The following LIMS1 variants were observed in gnomAD, a reference collection of about 807,000 sequenced individuals.
LIMS1 encodes the protein LIM and senescent cell antigen-like-containing domain protein 1.
In LIMS1, 18 loss-of-function variants were observed where a neutral mutation model predicts 44.1. That is an observed-to-expected ratio of 0.41 (90% CI 0.28 to 0.61). The LOEUF (loss-of-function observed/expected upper bound fraction) is 0.61. Ranked by LOEUF, LIMS1 falls within the 20% of genes least tolerant of loss-of-function variation. The pLI is 0.32. For missense variants in LIMS1, 201 were observed against 422.0 expected, an observed-to-expected ratio of 0.48 and a Z score of 4.59; for synonymous variants, 93 against 149.1, an observed-to-expected ratio of 0.62 and a Z score of 2.74.
At chr2:108,552,116 A>G (rs940034418) in intron 1 of LIMS1, among the ~76,000 whole-genome samples, 1 of 146,014 alleles carries the variant, frequency 6.8e-6, no homozygotes, top group Non-Finnish European at 1.5e-5. Flanking sequence ...TTAACTATAT[A>G]TTATATATAC....
At chr2:108,623,795 A>T (rs1369187891) in intron 1 of LIMS1, among the ~76,000 whole-genome samples, 1 of 152,146 alleles carries the variant, frequency 6.6e-6, no homozygotes, top group African/African-American at 2.4e-5. Flanking sequence ...ACGTTTGTGG[A>T]CTCTTAACAG....
chr2:108,675,913 G>A, exon 6 of LIMS1: 2 of 1,613,982 alleles, frequency 1.2e-6, no homozygotes, highest in Non-Finnish European at 1.7e-6. Context: ...GAGCTGAAAG[G>A]GGAGCTATAC....
intron 1 of LIMS1, among the ~76,000 whole-genome samples, chr2:108,548,064 C>A (rs1048521776): frequency 3.3e-5 from 5 of 152,164 alleles, no homozygotes; most frequent in African/African-American, 1.2e-4. Context: ...TGACTAGCCC[C>A]ATGAAATCTG....
intron 1 of LIMS1, among the ~76,000 whole-genome samples, chr2:108,606,580 T>C (rs775303754): frequency 5.9e-5 from 9 of 152,254 alleles, no homozygotes; most frequent in Non-Finnish European, 1.3e-4. Context: ...TCAAGAAGCA[T>C]TTCTTAGGTA....
chr2:108,610,881 T>G (rs1259529721), intron 1 of LIMS1, among the ~76,000 whole-genome samples: 1 of 152,244 alleles, frequency 6.6e-6, no homozygotes, highest in African/African-American at 2.4e-5. Flanking sequence ...AATTTTAGAT[T>G]TATAGAAAAG....
chr2:108,681,214 C>G, intron 9 of LIMS1: 15 of 1,252,438 alleles, frequency 1.2e-5, no homozygotes, highest in Admixed American at 3.8e-5. Flanking sequence ...CTTTCTTCCC[C>G]CCCTGCAACT....
At chr2:108,562,699 C>G (rs1436424257) in intron 1 of LIMS1, among the ~76,000 whole-genome samples, 6 of 152,196 alleles carry the variant, frequency 3.9e-5, no homozygotes, top group East Asian at 1.9e-4. Flanking sequence ...GGTGAAGCAG[C>G]AGGTGCTGAT....
chr2:108,536,996 A>G (rs1347714646), intron 1 of LIMS1, among the ~76,000 whole-genome samples: 2 of 152,204 alleles, frequency 1.3e-5, no homozygotes, highest in East Asian at 1.9e-4. Context: ...AGAAACTGAC[A>G]GTTTTTTTCC....
At chr2:108,681,242 A>G in intron 9 of LIMS1, 3 of 1,247,564 alleles carry the variant, frequency 2.4e-6, no homozygotes, top group Non-Finnish European at 3.0e-6. Flanking sequence ...ATGTATTTGT[A>G]GTCATCAGAG....
intron 1 of LIMS1, among the ~76,000 whole-genome samples, chr2:108,536,159 A>G (rs1684131871): frequency 6.6e-6 from 1 of 152,318 alleles, no homozygotes; most frequent in African/African-American, 2.4e-5. Flanking sequence ...GTCTCTCCGC[A>G]TCCTATCCCC....
At chr2:108,683,939 A>G (rs1318770484) in exon 10 of LIMS1, 2 of 1,606,006 alleles carry the variant, frequency 1.2e-6, no homozygotes, top group East Asian at 2.2e-5. Flanking sequence ...GCTATGAGAA[A>G]TTTCCATTGG....
intron 1 of LIMS1, among the ~76,000 whole-genome samples, chr2:108,599,638 C>T (rs754580791): frequency 1.3e-5 from 2 of 152,158 alleles, no homozygotes; most frequent in Non-Finnish European, 2.9e-5. Context: ...TTTACATTTC[C>T]ACCAACAGGG....
intron 1 of LIMS1, among the ~76,000 whole-genome samples, chr2:108,583,798 G>A (rs1173069659): frequency 2.0e-5 from 3 of 148,646 alleles, no homozygotes; most frequent in African/African-American, 7.4e-5. Flanking sequence ...GGGTTCAAGC[G>A]ATTGTCCTGC....
intron 1 of LIMS1, among the ~76,000 whole-genome samples, chr2:108,575,110 G>A (rs1425617994): frequency 1.3e-5 from 2 of 152,050 alleles, no homozygotes; most frequent in Admixed American, 1.3e-4. Flanking sequence ...ATATTTCTTA[G>A]TAACACGCCT....
chr2:108,558,891 A>C (rs917696026), intron 1 of LIMS1, among the ~76,000 whole-genome samples: 3 of 151,588 alleles, frequency 2.0e-5, no homozygotes, highest in African/African-American at 7.3e-5. Context: ...GGCTGGTCCC[A>C]AACTCCTGAC....
intron 9 of LIMS1, 70 bp downstream of exon 9, chr2:108,680,840 C>T: frequency 1.3e-6 from 2 of 1,581,986 alleles, no homozygotes; most frequent in Non-Finnish European, 1.7e-6. Context: ...AAAAAAAATC[C>T]TAGAATTTAG....
intron 1 of LIMS1, among the ~76,000 whole-genome samples, chr2:108,582,915 G>A (rs1474169548): frequency 6.6e-6 from 1 of 151,982 alleles, no homozygotes; most frequent in Non-Finnish European, 1.5e-5. Flanking sequence ...TTCATAGGTG[G>A]TACTAACATT....
At chr2:108,590,400 G>A (rs1288770868) in intron 1 of LIMS1, among the ~76,000 whole-genome samples, 1 of 152,186 alleles carries the variant, frequency 6.6e-6, no homozygotes, top group Non-Finnish European at 1.5e-5. Flanking sequence ...GATAAAAAGG[G>A]TACATGCTTT....
At chr2:108,601,605 A>G (rs1286795374) in intron 1 of LIMS1, among the ~76,000 whole-genome samples, 3 of 152,232 alleles carry the variant, frequency 2.0e-5, no homozygotes, top group Non-Finnish European at 4.4e-5. Context: ...TTCAGGACTT[A>G]GTGACCATTG....
Sources: allele counts gnomAD v4.1 joint callset (sites outside exome capture counted in the v4.1 genomes callset), GRCh38; gene constraint gnomAD v4.1.1; transcripts MANE v1.5; gene names NCBI Gene and HGNC (gene_info 2026-07-23, HGNC 2026-07-21).